Variants in GRID2 observed in about 807,000 individuals in gnomAD.
GRID2 encodes the protein glutamate receptor ionotropic, delta-2.
A neutral mutation model predicts 114.8 loss-of-function variants in GRID2; 33 were observed. The observed-to-expected ratio is 0.29, with a 90% CI of 0.22 to 0.38. The LOEUF is 0.38. GRID2 is among the 10% of genes least tolerant of loss of function. GRID2 has a pLI of 1.00. For synonymous variants in GRID2, 505 were observed against 449.9 expected, an observed-to-expected ratio of 1.12 and a Z score of -1.55; for missense variants, 1,184 against 1,257.7, an observed-to-expected ratio of 0.94 and a Z score of 0.89.
At chr4:92,492,466 A>T (rs895191366) in intron 1 of GRID2, among the ~76,000 whole-genome samples, 9 of 152,188 alleles carry the variant, frequency 5.9e-5, no homozygotes, top group Admixed American at 5.9e-4. Flanking sequence ...TATCATTCTG[A>T]GTTAGAGCAA....
intron 2 of GRID2, among the ~76,000 whole-genome samples, chr4:93,007,206 A>G (rs1721628149): frequency 6.6e-6 from 1 of 152,076 alleles, no homozygotes; most frequent in Non-Finnish European, 1.5e-5. Context: ...AATTCAAACA[A>G]CACAACAGAA....
At chr4:93,100,431 T>G (rs1731596730) in intron 3 of GRID2, among the ~76,000 whole-genome samples, 1 of 151,974 alleles carries the variant, frequency 6.6e-6, no homozygotes, top group Non-Finnish European at 1.5e-5. Context: ...AAGTGAAGTT[T>G]TTTCTAAGCA....
At chr4:92,688,037 C>CCCTTTTTTTTTTTTTTTTT in intron 2 of GRID2, among the ~76,000 whole-genome samples, 1 of 44,656 alleles carries the variant, frequency 2.2e-5, no homozygotes, top group Admixed American at 3.1e-4. Flanking sequence ...CCTTCTTCTT[C>CCCTTTTTTTTTTTTTTTTT]TTTTTTTTTT....
chr4:92,680,037 G>A (rs2149283497), intron 2 of GRID2, among the ~76,000 whole-genome samples: 1 of 152,110 alleles, frequency 6.6e-6, no homozygotes, highest in East Asian at 1.9e-4. Context: ...AGGGGAAAAG[G>A]GTTAATGTTT....
chr4:93,230,674 G>T (rs1192888599), intron 7 of GRID2, among the ~76,000 whole-genome samples: 1 of 151,758 alleles, frequency 6.6e-6, no homozygotes, highest in Non-Finnish European at 1.5e-5. Context: ...AGGTTTTTTG[G>T]TTTCTAATTT....
chr4:93,216,642 C>A (rs755430581), intron 5 of GRID2, 96 bp from the exon 6 acceptor site: 227 of 785,936 alleles, frequency 2.9e-4, no homozygotes, highest in Non-Finnish European at 4.1e-4. Flanking sequence ...ATTACAGTAA[C>A]AGAATCCCTA....
At chr4:93,550,706 A>T (rs1005804729) in intron 13 of GRID2, among the ~76,000 whole-genome samples, 12 of 152,200 alleles carry the variant, frequency 7.9e-5, no homozygotes, top group Non-Finnish European at 1.8e-4. Flanking sequence ...TAAAAGATAT[A>T]TTCCAATATG....
At chr4:93,672,358 G>C (rs1041477759) in intron 14 of GRID2, among the ~76,000 whole-genome samples, 2 of 152,246 alleles carry the variant, frequency 1.3e-5, no homozygotes, top group Non-Finnish European at 2.9e-5. Context: ...ATGGAGTGTG[G>C]ACATGTACAG....
chr4:92,404,429 C>T (rs1309619237), intron 1 of GRID2, among the ~76,000 whole-genome samples: 6 of 152,012 alleles, frequency 3.9e-5, no homozygotes, highest in Admixed American at 1.3e-4. Flanking sequence ...GCTTTTACAC[C>T]GTTGGTGGGA....
intron 8 of GRID2, among the ~76,000 whole-genome samples, chr4:93,378,108 T>G: frequency 6.6e-6 from 1 of 152,144 alleles, no homozygotes. Context: ...AAAATGATAG[T>G]TACAATGACT....
At chr4:92,714,440 A>G (rs1185698622) in intron 2 of GRID2, among the ~76,000 whole-genome samples, 1 of 152,154 alleles carries the variant, frequency 6.6e-6, no homozygotes, top group Non-Finnish European at 1.5e-5. Flanking sequence ...GGTCTGGAGA[A>G]TGGTAGCCCT....
At chr4:92,957,718 T>A (rs1380993567) in intron 2 of GRID2, among the ~76,000 whole-genome samples, 1 of 152,090 alleles carries the variant, frequency 6.6e-6, no homozygotes, top group African/African-American at 2.4e-5. Context: ...ATTGGGGTTG[T>A]ATATTATTTA....
At chr4:92,329,543 T>A (rs1358823745) in intron 1 of GRID2, among the ~76,000 whole-genome samples, 3 of 152,072 alleles carry the variant, frequency 2.0e-5, no homozygotes, top group Admixed American at 2.0e-4. Context: ...CATTTAAATC[T>A]CATCCTGTCT....
At chr4:93,106,671 G>T (rs1438318849) in intron 3 of GRID2, among the ~76,000 whole-genome samples, 1 of 152,170 alleles carries the variant, frequency 6.6e-6, no homozygotes, top group African/African-American at 2.4e-5. Flanking sequence ...TAAAGAGCAT[G>T]GCTCTGAATC....
At chr4:92,735,346 A>T (rs1187102439) in intron 2 of GRID2, among the ~76,000 whole-genome samples, 1 of 152,126 alleles carries the variant, frequency 6.6e-6, no homozygotes, top group Non-Finnish European at 1.5e-5. Flanking sequence ...AATTAAACAC[A>T]GTAAAAGATA....
intron 2 of GRID2, chr4:92,822,988 C>T (rs1472790471): frequency 1.3e-5 from 2 of 152,068 alleles, no homozygotes; most frequent in Admixed American, 1.3e-4. Flanking sequence ...GGACAAACAC[C>T]ACAGCCAGTC....
intron 13 of GRID2, among the ~76,000 whole-genome samples, chr4:93,625,141 T>C (rs979738079): frequency 1.3e-5 from 2 of 152,228 alleles, no homozygotes; most frequent in African/African-American, 4.8e-5. Flanking sequence ...TCATTTAGAA[T>C]AGGGATCACA....
At chr4:93,260,745 A>T (rs1750165025) in intron 8 of GRID2, among the ~76,000 whole-genome samples, 1 of 151,822 alleles carries the variant, frequency 6.6e-6, no homozygotes, top group African/African-American at 2.4e-5. Flanking sequence ...GGATGATCAT[A>T]GGGTTTCTGA....
intron 11 of GRID2, among the ~76,000 whole-genome samples, chr4:93,487,474 A>G (rs142357601): frequency 2.5e-4 from 38 of 151,812 alleles, no homozygotes; most frequent in African/African-American, 8.7e-4. Flanking sequence ...GATATGGAGT[A>G]TTTTTATTAT....
Sources: gnomAD v4.1 joint callset for allele counts (sites outside exome capture counted in the v4.1 genomes callset) on GRCh38, gnomAD v4.1.1 for gene constraint, MANE v1.5 for transcripts, NCBI Gene and HGNC (gene_info 2026-07-23, HGNC 2026-07-21) for gene names.